The following SLC35G2 variants were observed in gnomAD, a reference collection of about 807,000 sequenced individuals.
SLC35G2 encodes the protein solute carrier family 35 member G2, also known as transmembrane protein 22.
SLC35G2 carries 20 observed loss-of-function variants against 27.2 expected under a neutral mutation model. The observed-to-expected ratio is 0.74, with a 90% CI of 0.52 to 1.07. The LOEUF (loss-of-function observed/expected upper bound fraction) is 1.07, where lower values mean the gene tolerates loss of function less well. SLC35G2 is among the 50% of genes least tolerant of loss of function. The pLI, the probability that SLC35G2 is intolerant of heterozygous loss-of-function variation, is 0.00. For missense variants in SLC35G2, 416 were observed against 493.3 expected, an observed-to-expected ratio of 0.84 and a Z score of 1.48; for synonymous variants, 148 against 165.3, an observed-to-expected ratio of 0.90 and a Z score of 0.80.
At chr3:136,830,860 T>C (rs1936713870) in intron 1 of SLC35G2, among the ~76,000 whole-genome samples, 1 of 152,246 alleles carries the variant, frequency 6.6e-6, no homozygotes, top group African/African-American at 2.4e-5. Flanking sequence ...GTATGTCAAT[T>C]GCATTTTTCA....
At chr3:136,843,952 C>T (rs950132296) in intron 1 of SLC35G2, among the ~76,000 whole-genome samples, 4 of 152,056 alleles carry the variant, frequency 2.6e-5, no homozygotes, top group African/African-American at 7.2e-5. Flanking sequence ...ACAAAAAAAT[C>T]AGAGTTCTGA....
Position 136,823,611 on chromosome 3 carries a change from G to T in SLC35G2, c.-19+3983G>T, listed in dbSNP as rs544328805. On this transcript the variant is annotated intron_variant, in intron 1 of 1. Transcript: ENST00000446465. ...TTTTCTTTTTTTTCTTTTTGAGATG[G>T]AGTCTCCCTCTGTCACTCAGGCTGG... Among the ~76,000 whole-genome samples, 7 of 151,702 alleles carry T rather than the reference G, an allele frequency of 4.6e-5. No homozygotes were observed. The South Asian group carries it at 1.5e-3, about 31-fold the overall frequency.
rs200186660 is a variant in SLC35G2 at position 136,854,594 on chromosome 3, A to G, written c.134A>G (p.Tyr45Cys). ...DDGYEEINEG[Y>C]GNFMEENPKK... is the part of the protein sequence containing the mutation. Reference sequence around the variant, plus strand: ...GGATATGAAGAAATCAATGAAGGCTATGGAAATTTTATGGAGGAAAATCCA... The same window carrying G: ...GGATATGAAGAAATCAATGAAGGCTGTGGAAATTTTATGGAGGAAAATCCA... The change falls in exon 2 of 2, where the codon TAT (tyrosine) becomes TGT (cysteine). Residue 45 changes from tyrosine to cysteine, a missense_variant. Tyr to Cys is a radical substitution (Grantham distance 194, BLOSUM62 -2). Coordinates refer to ENST00000446465, the MANE Select transcript of SLC35G2 (RefSeq NM_025246.3). 2 of 1,613,300 alleles carry G rather than the reference A, an allele frequency of 1.2e-6. No individual in the cohort carries two copies. Among genetic ancestry groups the G allele is most frequent in the Non-Finnish European group, 1.7e-6 (2 of 1,179,852 alleles).
chr3:136,841,000 G>GT (rs1035281680), intron 1 of SLC35G2, among the ~76,000 whole-genome samples: 144 of 103,828 alleles, frequency 1.4e-3, no homozygotes, highest in Admixed American at 2.2e-3. Context: ...ATGCGATTTT[G>GT]TTTTTTTTTT....
chr3:136,832,924 C>G (rs1936766937), intron 1 of SLC35G2, among the ~76,000 whole-genome samples: 1 of 152,048 alleles, frequency 6.6e-6, no homozygotes, highest in African/African-American at 2.4e-5. Context: ...AAAAAATTAG[C>G]CAGGCATGGT....
At chr3:136,835,523 T>TCC (rs1253133119) in intron 1 of SLC35G2, among the ~76,000 whole-genome samples, 1 of 152,196 alleles carries the variant, frequency 6.6e-6, no homozygotes, top group Non-Finnish European at 1.5e-5. Flanking sequence ...TGTTAAGTTA[T>TCC]TCTCTTTCCC....
intron 1 of SLC35G2, among the ~76,000 whole-genome samples, chr3:136,852,658 A>T (rs1937719166): frequency 6.6e-6 from 1 of 151,646 alleles, no homozygotes; most frequent in South Asian, 2.1e-4. Flanking sequence ...ATTCCCAGCT[A>T]ATTTTTGCAT....
intron 1 of SLC35G2, among the ~76,000 whole-genome samples, chr3:136,843,909 G>C (rs1677622234): frequency 6.6e-6 from 1 of 152,192 alleles, no homozygotes; most frequent in African/African-American, 2.4e-5. Flanking sequence ...ACTCTAACCT[G>C]GGTGGCAGAG....
At chr3:136,829,445 C>T (rs1936670148) in intron 1 of SLC35G2, among the ~76,000 whole-genome samples, 1 of 152,132 alleles carries the variant, frequency 6.6e-6, no homozygotes, top group Non-Finnish European at 1.5e-5. Context: ...TGGTTTTGAA[C>T]TCCTGACCTT....
At chr3:136,845,289 A>G (rs1937322208) in intron 1 of SLC35G2, among the ~76,000 whole-genome samples, 1 of 152,158 alleles carries the variant, frequency 6.6e-6, no homozygotes, top group Non-Finnish European at 1.5e-5. Flanking sequence ...TTATTTAGAG[A>G]TCTGATGGTG....
At chr3:136,846,353 T>C (rs756187693) in intron 1 of SLC35G2, among the ~76,000 whole-genome samples, 3 of 152,244 alleles carry the variant, frequency 2.0e-5, no homozygotes, top group Non-Finnish European at 2.9e-5. Context: ...GATGTGCCCA[T>C]TGTTCAAGCA....
At chr3:136,837,769 GA>G (rs1936915714) in intron 1 of SLC35G2, 1 of 151,832 alleles carries the variant, frequency 6.6e-6, no homozygotes, top group South Asian at 2.1e-4. Context: ...ATATATCCCT[GA>G]AAATAGCATT....
intron 1 of SLC35G2, among the ~76,000 whole-genome samples, chr3:136,846,128 G>C (rs986465511): frequency 1.5e-4 from 23 of 152,168 alleles, no homozygotes; most frequent in African/African-American, 5.5e-4. Flanking sequence ...TTAGCCAACA[G>C]ACTTTGGACT....
intron 1 of SLC35G2, among the ~76,000 whole-genome samples, chr3:136,828,749 T>C (rs2107999159): frequency 6.6e-6 from 1 of 152,332 alleles, no homozygotes; most frequent in Middle Eastern, 3.4e-3. Context: ...ATGTTATCAA[T>C]AAGTAAGGAC....
chr3:136,840,032 TCA>T (rs1434192706), intron 1 of SLC35G2, among the ~76,000 whole-genome samples: 2 of 152,196 alleles, frequency 1.3e-5, no homozygotes, highest in African/African-American at 4.8e-5. Flanking sequence ...TCCCTTTAAA[TCA>T]CATTCTACCT....
At chr3:136,824,677 A>G (rs184044708) in intron 1 of SLC35G2, among the ~76,000 whole-genome samples, 3 of 152,338 alleles carry the variant, frequency 2.0e-5, no homozygotes, top group African/African-American at 7.2e-5. Context: ...TTCCAAATAT[A>G]AGATCATATC....
chr3:136,850,917 C>T (rs1283251002), intron 1 of SLC35G2, among the ~76,000 whole-genome samples: 1 of 151,908 alleles, frequency 6.6e-6, no homozygotes, highest in African/African-American at 2.4e-5. Flanking sequence ...CCCTGGAGGT[C>T]GAGGCTGCAG....
intron 1 of SLC35G2, among the ~76,000 whole-genome samples, chr3:136,834,111 T>C (rs980595962): frequency 2.0e-5 from 3 of 152,072 alleles, no homozygotes; most frequent in African/African-American, 7.2e-5. Context: ...TTTTTAAAAA[T>C]TTGATCTTGG....
At chr3:136,823,080 C>T (rs1936498355) in intron 1 of SLC35G2, among the ~76,000 whole-genome samples, 1 of 152,116 alleles carries the variant, frequency 6.6e-6, no homozygotes, top group Non-Finnish European at 1.5e-5. Context: ...TTGTTATTGC[C>T]TGGCTTTTGG....
Sources: allele counts gnomAD v4.1 joint callset (sites outside exome capture counted in the v4.1 genomes callset), GRCh38; gene constraint gnomAD v4.1.1; transcripts MANE v1.5; gene names NCBI Gene and HGNC (gene_info 2026-07-23, HGNC 2026-07-21).